Variants in GLCE observed in about 807,000 individuals in gnomAD.
GLCE encodes the protein glucuronic acid epimerase.
GLCE carries 19 observed loss-of-function variants against 47.9 expected under a neutral mutation model. The observed-to-expected ratio is 0.40, with a 90% CI of 0.28 to 0.58. GLCE has a LOEUF of 0.58. Among genes scored for constraint, GLCE ranks in the 20% least tolerant of loss-of-function variants. The pLI is 0.48. For missense variants in GLCE, 556 were observed against 743.3 expected (o/e 0.75, Z 2.93); for synonymous variants, 245 against 263.4 (o/e 0.93, Z 0.68).
At chr15:69,246,040 C>T (rs543093881) in intron 2 of GLCE, among the ~76,000 whole-genome samples, 7 of 152,210 alleles carry the variant, frequency 4.6e-5, no homozygotes, top group East Asian at 3.9e-4. Flanking sequence ...GTCGTTTCAA[C>T]AATGTTCATG....
intron 1 of GLCE, among the ~76,000 whole-genome samples, chr15:69,203,739 T>A (rs1229158485): frequency 6.6e-6 from 1 of 152,140 alleles, no homozygotes; most frequent in East Asian, 1.9e-4. Flanking sequence ...AAACTGTTCC[T>A]TATAGAGGCT....
intron 2 of GLCE, among the ~76,000 whole-genome samples, chr15:69,231,631 T>A (rs1295986106): frequency 2.6e-5 from 4 of 152,178 alleles, no homozygotes; most frequent in Non-Finnish European, 5.9e-5. Context: ...GACTATTCGC[T>A]GAGCACTTGG....
At chr15:69,205,067 C>T (rs1449813210) in intron 1 of GLCE, among the ~76,000 whole-genome samples, 1 of 152,030 alleles carries the variant, frequency 6.6e-6, no homozygotes, top group Non-Finnish European at 1.5e-5. Context: ...TATATTTCAA[C>T]ATGTATAGAT....
intron 1 of GLCE, among the ~76,000 whole-genome samples, chr15:69,162,977 A>G (rs541592450): frequency 5.9e-5 from 9 of 152,334 alleles, no homozygotes; most frequent in African/African-American, 2.2e-4. Context: ...GGAATTTTAC[A>G]TCATTTTGAA....
chr15:69,226,047 GACACAC>G (rs36218660), intron 2 of GLCE, among the ~76,000 whole-genome samples: 18 of 59,592 alleles, frequency 3.0e-4, no homozygotes, highest in Admixed American at 9.1e-4. Flanking sequence ...CGCATGCACA[GACACAC>G]ACACACACAC....
At chr15:69,187,562 T>C (rs1410221871) in intron 1 of GLCE, among the ~76,000 whole-genome samples, 1 of 152,234 alleles carries the variant, frequency 6.6e-6, no homozygotes. Flanking sequence ...TCATACCTGC[T>C]TTCATTTAAT....
chr15:69,235,907 T>A (rs2052589353), intron 2 of GLCE, among the ~76,000 whole-genome samples: 1 of 152,188 alleles, frequency 6.6e-6, no homozygotes, highest in African/African-American at 2.4e-5. Context: ...TCTAGAACAT[T>A]TCCATCGTCC....
chr15:69,219,759 A>G (rs1441799889), intron 2 of GLCE, among the ~76,000 whole-genome samples: 1 of 152,128 alleles, frequency 6.6e-6, no homozygotes, highest in African/African-American at 2.4e-5. Flanking sequence ...TTACCATCTG[A>G]ACTATTTTTA....
chr15:69,247,676 G>A (rs2052772215), intron 2 of GLCE, among the ~76,000 whole-genome samples: 1 of 152,064 alleles, frequency 6.6e-6, no homozygotes, highest in African/African-American at 2.4e-5. Flanking sequence ...GAGACATGTG[G>A]CTCTTCCTTT....
intron 1 of GLCE, among the ~76,000 whole-genome samples, chr15:69,189,273 G>A (rs1239784765): frequency 2.6e-5 from 4 of 152,148 alleles, no homozygotes; most frequent in Non-Finnish European, 5.9e-5. Context: ...GTTTCATACA[G>A]TTGAAATCAT....
intron 1 of GLCE, among the ~76,000 whole-genome samples, chr15:69,183,651 C>A (rs1002381088): frequency 1.2e-4 from 18 of 152,334 alleles, no homozygotes; most frequent in African/African-American, 4.1e-4. Context: ...TGCTCCATGT[C>A]CCCCTTTGCC....
intron 1 of GLCE, among the ~76,000 whole-genome samples, chr15:69,161,697 G>T (rs2051424394): frequency 6.6e-6 from 1 of 152,210 alleles, no homozygotes; most frequent in African/African-American, 2.4e-5. Context: ...CGGTGTTGTT[G>T]CCTAGTTGAA....
chr15:69,258,107 C>T (rs534531930), intron 3 of GLCE, among the ~76,000 whole-genome samples: 13 of 151,962 alleles, frequency 8.6e-5, no homozygotes, highest in African/African-American at 2.9e-4. Context: ...GGTATTAAGC[C>T]TAGGACCCAT....
chr15:69,223,320 C>T (rs1047687409), intron 2 of GLCE, among the ~76,000 whole-genome samples: 2 of 151,926 alleles, frequency 1.3e-5, no homozygotes, highest in African/African-American at 2.4e-5. Context: ...ACACTTTTGC[C>T]GGATATAGGA....
In GLCE at chr15:69,239,290, A is replaced by G. The variant is rs1159950663; in HGVS notation, c.-13-16504A>G. 3.9e-5 allele frequency among the ~76,000 whole-genome samples: 6 copies of G among 152,288 alleles called. No homozygotes were observed. In the South Asian group the frequency reaches 1.2e-3, roughly 32 times the overall value. On this transcript the variant is annotated intron_variant, in intron 2 of 4. Coordinates refer to ENST00000261858, the MANE Select transcript of GLCE (RefSeq NM_015554.3). ...TTCTGCCTTTCTTTTTCTTTCTGGGATACAACACAGACATGATGGCTGAGG... is the reference window on the plus strand; with the variant it reads ...TTCTGCCTTTCTTTTTCTTTCTGGGGTACAACACAGACATGATGGCTGAGG...
intron 1 of GLCE, among the ~76,000 whole-genome samples, chr15:69,166,739 G>A (rs1167747670): frequency 1.3e-5 from 2 of 151,772 alleles, no homozygotes; most frequent in Non-Finnish European, 2.9e-5. Flanking sequence ...GGCTAACATG[G>A]TGAAACCCCG....
chr15:69,240,368 A>G (rs1007721517), intron 2 of GLCE, among the ~76,000 whole-genome samples: 2 of 152,162 alleles, frequency 1.3e-5, no homozygotes, highest in African/African-American at 4.8e-5. Context: ...TTAAAAATAC[A>G]GGAATGTTGC....
intron 2 of GLCE, among the ~76,000 whole-genome samples, chr15:69,249,636 GA>G (rs201764719): frequency 0.016 from 2,388 of 151,870 alleles, 30 homozygotes; most frequent in Non-Finnish European, 0.025. Flanking sequence ...TTATTCGAGG[GA>G]AAAAAAGCCA....
rs772721583 is a variant in GLCE at position 69,268,312 on chromosome 15, G to T, written c.922G>T (p.Val308Leu). The change falls in exon 5 of 5, where the codon GTG becomes TTG. Residue 308 changes from valine to leucine, a missense_variant. Physicochemically the swap from Val to Leu is conservative, Grantham distance 32. Coordinates refer to ENST00000261858, the MANE Select transcript of GLCE (RefSeq NM_015554.3). ...LKFLTNGSVS[V>L]VLETTEKNQL... ...GTTCTTGACAAATGGAAGTGTGTCCGTGGTTCTAGAGACCACAGAAAAGAA... is the reference window on the plus strand; with the variant it reads ...GTTCTTGACAAATGGAAGTGTGTCCTTGGTTCTAGAGACCACAGAAAAGAA... The T allele has an allele frequency of 1.2e-6, 2 of 1,612,484 alleles. No individual in the cohort carries two copies. The highest frequency in any genetic ancestry group is 1.1e-5 in the South Asian group (1 of 90,952).
Sources: allele counts gnomAD v4.1 joint callset (sites outside exome capture counted in the v4.1 genomes callset), GRCh38; gene constraint gnomAD v4.1.1; transcripts MANE v1.5; gene names NCBI Gene and HGNC (gene_info 2026-07-23, HGNC 2026-07-21).